NBAS: variants seen among roughly 807,000 people sequenced by gnomAD.
The protein encoded by NBAS is NAG/BC035112 fusion.
A neutral mutation model predicts 302.5 loss-of-function variants in NBAS; 219 were observed. The ratio of observed to expected loss-of-function variants is 0.72; its 90% CI spans 0.65 to 0.81. The LOEUF (loss-of-function observed/expected upper bound fraction) is 0.81, where lower values mean the gene tolerates loss of function less well. Ranked by LOEUF, NBAS falls within the 30% of genes least tolerant of loss-of-function variation. The pLI, the probability that NBAS is intolerant of heterozygous loss-of-function variation, is 0.00. For missense variants in NBAS, 2,932 were observed against 2,841.6 expected (o/e 1.03, Z -0.72); for synonymous variants, 1,118 against 1,021.6 (o/e 1.09, Z -1.80).
At chr2:15,424,572 C>T in intron 22 of NBAS, 104 bp from the exon 23 acceptor site, 2 of 1,304,618 alleles carry the variant, frequency 1.5e-6, no homozygotes, top group African/African-American at 1.5e-5. Flanking sequence ...AAGTAAGAGA[C>T]AGGGAGCATA....
chr2:15,132,983 G>C, the NBAS span, among the ~76,000 whole-genome samples: 1 of 151,982 alleles, frequency 6.6e-6, no homozygotes, highest in African/African-American at 2.4e-5. Context: ...TGTACAATAA[G>C]AAAACATATA....
At chr2:15,308,456 T>C (rs1572630391) in intron 39 of NBAS, 103 bp from the exon 40 acceptor site, 1 of 1,405,418 alleles carries the variant, frequency 7.1e-7, no homozygotes, top group South Asian at 1.2e-5. Context: ...TTGTACAAAG[T>C]TCCCATTACA....
At chr2:15,530,590 T>C (rs1338285781) in intron 9 of NBAS, among the ~76,000 whole-genome samples, 1 of 152,106 alleles carries the variant, frequency 6.6e-6, no homozygotes, top group African/African-American at 2.4e-5. Context: ...TAAGTACATG[T>C]ATTTATACAG....
chr2:15,282,894 C>A (rs1669886065), intron 42 of NBAS, among the ~76,000 whole-genome samples: 1 of 152,134 alleles, frequency 6.6e-6, no homozygotes, highest in South Asian at 2.1e-4. Context: ...TTTCTGATGG[C>A]CTGGAATGCC....
intron 45 of NBAS, among the ~76,000 whole-genome samples, chr2:15,237,604 T>TATC (rs1558463126): frequency 1.5e-5 from 2 of 132,984 alleles, no homozygotes; most frequent in African/African-American, 5.8e-5. Context: ...ATTTATTTAT[T>TATC]TATTTATCTG....
chr2:14,953,457 C>T, the NBAS span, among the ~76,000 whole-genome samples: 1 of 152,214 alleles, frequency 6.6e-6, no homozygotes, highest in East Asian at 1.9e-4. Flanking sequence ...CAGCAGTCTT[C>T]ACAATGAAAG....
At chr2:15,424,952 G>C (rs1677396061) in intron 22 of NBAS, among the ~76,000 whole-genome samples, 1 of 151,984 alleles carries the variant, frequency 6.6e-6, no homozygotes, top group Non-Finnish European at 1.5e-5. Flanking sequence ...TATTTATGTT[G>C]ATAATATACC....
chr2:14,883,583 C>T, the NBAS span, among the ~76,000 whole-genome samples: 5 of 152,122 alleles, frequency 3.3e-5, no homozygotes, highest in African/African-American at 1.2e-4. Context: ...GATTTGGAGT[C>T]AAGAAATAAG....
intron 44 of NBAS, among the ~76,000 whole-genome samples, chr2:15,251,813 T>G (rs535175634): frequency 1.1e-4 from 16 of 152,284 alleles, no homozygotes; most frequent in South Asian, 2.1e-4. Flanking sequence ...ATGTGTATCT[T>G]GTGCCGACTT....
chr2:14,984,937 A>G, the NBAS span, among the ~76,000 whole-genome samples: 11 of 152,218 alleles, frequency 7.2e-5, no homozygotes, highest in Admixed American at 5.9e-4. Context: ...GGCAGGCAGC[A>G]GAAGAGCAAA....
the NBAS span, among the ~76,000 whole-genome samples, chr2:15,027,079 GCTTT>G: frequency 6.6e-6 from 1 of 151,888 alleles, no homozygotes; most frequent in African/African-American, 2.4e-5. Context: ...TTTCTCTCAG[GCTTT>G]CTTTCTTTCA....
the NBAS span, among the ~76,000 whole-genome samples, chr2:15,152,540 T>G: frequency 6.6e-6 from 1 of 152,240 alleles, no homozygotes; most frequent in African/African-American, 2.4e-5. Context: ...GGGTGCTAAC[T>G]GATCAGACCA....
chr2:14,799,110 C>A, the NBAS span, among the ~76,000 whole-genome samples: 3 of 151,650 alleles, frequency 2.0e-5, no homozygotes, highest in African/African-American at 7.3e-5. Context: ...ACTATTTATT[C>A]TTTTTTTCTG....
At chr2:15,229,521 C>A (rs1035096105) in intron 47 of NBAS, among the ~76,000 whole-genome samples, 1 of 151,874 alleles carries the variant, frequency 6.6e-6, no homozygotes, top group Non-Finnish European at 1.5e-5. Context: ...GTGGCTCATG[C>A]CTGTAATCCC....
intron 32 of NBAS, among the ~76,000 whole-genome samples, chr2:15,360,007 T>C (rs1673818600): frequency 6.6e-6 from 1 of 152,200 alleles, no homozygotes; most frequent in Non-Finnish European, 1.5e-5. Context: ...GTACAGTATA[T>C]TTCTGTACTG....
chr2:15,114,154 G>A, the NBAS span, among the ~76,000 whole-genome samples: 3 of 152,162 alleles, frequency 2.0e-5, no homozygotes, highest in Non-Finnish European at 4.4e-5. Flanking sequence ...AATCATAAAG[G>A]TGGAGAATGG....
the NBAS span, among the ~76,000 whole-genome samples, chr2:14,994,047 A>T: frequency 1.3e-5 from 2 of 152,222 alleles, no homozygotes; most frequent in African/African-American, 4.8e-5. Flanking sequence ...TCTATCATGT[A>T]CCTAGCACAC....
chr2:15,082,216 G>T, the NBAS span, among the ~76,000 whole-genome samples: 1 of 152,066 alleles, frequency 6.6e-6, no homozygotes, highest in Admixed American at 6.5e-5. Flanking sequence ...ATGACTCCAC[G>T]TTACACAGCT....
At chr2:15,003,585 T>A in the NBAS span, among the ~76,000 whole-genome samples, 2 of 151,988 alleles carry the variant, frequency 1.3e-5, no homozygotes, top group East Asian at 3.9e-4. Context: ...CTAGGGGAGG[T>A]CTCTCATTCT....
Sources: allele counts gnomAD v4.1 joint callset (sites outside exome capture counted in the v4.1 genomes callset), GRCh38; gene constraint gnomAD v4.1.1; transcripts MANE v1.5; gene names NCBI Gene and HGNC (gene_info 2026-07-23, HGNC 2026-07-21).